The following PPP4R3A variants were observed in gnomAD, a reference collection of about 807,000 sequenced individuals.
PPP4R3A encodes the protein serine/threonine-protein phosphatase 4 regulatory subunit 3A.
PPP4R3A carries 15 observed loss-of-function variants against 91.7 expected under a neutral mutation model. The ratio of observed to expected loss-of-function variants is 0.16; its 90% CI spans 0.11 to 0.25. The LOEUF (loss-of-function observed/expected upper bound fraction) is 0.25. Ranked by LOEUF, PPP4R3A falls within the 10% of genes least tolerant of loss-of-function variation. The pLI is 1.00. For synonymous variants in PPP4R3A, 377 were observed against 348.7 expected, an observed-to-expected ratio of 1.08 and a Z score of -0.91; for missense variants, 623 against 998.4, an observed-to-expected ratio of 0.62 and a Z score of 5.07.
In PPP4R3A at chr14:91,458,783, T is replaced by C. The variant is rs759893059; in HGVS notation, c.2478A>G (p.Ser826=). 1 of 1,614,212 alleles carries C rather than the reference T, an allele frequency of 6.2e-7. No homozygotes were observed. Among genetic ancestry groups the C allele is most frequent in the South Asian group, 1.1e-5 (1 of 91,088 alleles). ...DEDKEDTLPL[S]KKAKFDS ...ATTATGAATCAAATTTTGCTTTCTT[T>C]GACAATGGTAACGTATCTTCCTTAT... The change falls in exon 15 of 15, where the codon TCA becomes TCG. Residue 826 remains serine, a synonymous_variant. Transcript: ENST00000554943.
chr14:91,477,065 C>A, intron 4 of PPP4R3A, 79 bp from the exon 5 acceptor site: 2 of 1,079,060 alleles, frequency 1.9e-6, no homozygotes, highest in East Asian at 2.9e-5. Context: ...CTTTAATATA[C>A]ACAGCAATAA....
chr14:91,499,807 C>A (rs1033270048), intron 1 of PPP4R3A, among the ~76,000 whole-genome samples: 9 of 127,550 alleles, frequency 7.1e-5, no homozygotes, highest in Admixed American at 1.8e-4. Flanking sequence ...GGTGACAGAG[C>A]GAGACTCCAC....
intron 2 of PPP4R3A, among the ~76,000 whole-genome samples, chr14:91,486,990 TA>T (rs1055646494): frequency 1.3e-5 from 2 of 151,416 alleles, no homozygotes; most frequent in Non-Finnish European, 2.9e-5. Flanking sequence ...CTCATGCCTC[TA>T]ATCACAGCAC....
Position 91,509,984 on chromosome 14 carries a change from G to T in PPP4R3A, c.-337C>A. 1.0e-6 allele frequency: 1 copy of T among 995,582 alleles called. No homozygotes were observed. The highest frequency in any genetic ancestry group is 1.2e-6 in the Non-Finnish European group (1 of 834,096). 61.7% of individuals were successfully genotyped at this position (995,582 alleles called of 1,614,324 possible). A position where few individuals can be genotyped will look rare whatever the true frequency, so the allele number is the denominator to read the frequency against. The stretch of plus-strand genomic sequence containing the variant: ...GGGCTCCCGTCACTGCCCTGCTCCC[G>T]CCTCCGCCATGATCTCCGCGAAGCA... On this transcript the variant is annotated 5_prime_UTR_variant, in exon 1 of 15. Coordinates refer to ENST00000554943, the MANE Select transcript of PPP4R3A (RefSeq NM_001366432.2).
In PPP4R3A at chr14:91,481,717, T is replaced by C; in HGVS notation, c.774A>G (p.Lys258=). The C allele has an allele frequency of 1.2e-6, 2 of 1,614,160 alleles. No individual in the cohort carries two copies. The highest frequency in any genetic ancestry group is 1.7e-6 in the Non-Finnish European group (2 of 1,180,020). The change falls in exon 4 of 15, where the codon AAA becomes AAG. Residue 258 remains lysine (K), a synonymous_variant. Transcript: ENST00000554943. ...CTCTGTATGTCTGATGAATTTTTTG[T>C]TTCAGCTCAGGATCTGATATGGGAA... ...EVIPISDPEL[K]QKIHQTYRVQ... is the part of the protein sequence containing the mutation.
chr14:91,490,681 A>G, intron 2 of PPP4R3A, 66 bp downstream of exon 2: 2 of 1,274,740 alleles, frequency 1.6e-6, no homozygotes, highest in Non-Finnish European at 2.2e-6. Context: ...ATAAGCAATC[A>G]GATAATAAAC....
At position 91,458,236 on chromosome 14, in the gene PPP4R3A, G is replaced by A. The variant is rs1297132872; in HGVS notation, c.*523C>T. On this transcript the variant is annotated 3_prime_UTR_variant, in exon 15 of 15. Coordinates refer to ENST00000554943, the MANE Select transcript of PPP4R3A (RefSeq NM_001366432.2). The stretch of plus-strand genomic sequence containing the variant: ...GGGCAAAGGGAACAGTTAAAAAAGA[G>A]GAAAACTTTATACTCGCCCCTCCCC... The A allele has an allele frequency of 6.5e-6, 1 of 154,202 alleles. No homozygotes were observed. Among genetic ancestry groups the A allele is most frequent in the African/African-American group, 2.4e-5 (1 of 41,398 alleles). 9.6% of individuals were successfully genotyped at this position (154,202 alleles called of 1,614,324 possible). A position where few individuals can be genotyped will look rare whatever the true frequency, so the allele number is the denominator to read the frequency against.
At chr14:91,477,462 G>C (rs1384528297) in intron 4 of PPP4R3A, among the ~76,000 whole-genome samples, 1 of 152,194 alleles carries the variant, frequency 6.6e-6, no homozygotes, top group Non-Finnish European at 1.5e-5. Context: ...CTACTTTAGT[G>C]TTTTAAAGAT....
intron 13 of PPP4R3A, among the ~76,000 whole-genome samples, chr14:91,461,838 G>A (rs1272754239): frequency 1.3e-5 from 2 of 152,050 alleles, no homozygotes; most frequent in Admixed American, 6.6e-5. Flanking sequence ...TACCCTTCCT[G>A]AAATAGTATA....
intron 10 of PPP4R3A, among the ~76,000 whole-genome samples, chr14:91,467,920 TA>T (rs1888575772): frequency 6.6e-6 from 1 of 152,222 alleles, no homozygotes; most frequent in African/African-American, 2.4e-5. Flanking sequence ...ATACTATACC[TA>T]ATACTTCAAT....
At position 91,458,668 on chromosome 14, in the gene PPP4R3A, A is replaced by C; in HGVS notation, c.*91T>G. ...CTGATCTGTGTCAGTCATTCACAAG[A>C]GACCACTGCGCTTTGTTGTGGATTT... On this transcript the variant is annotated 3_prime_UTR_variant, in exon 15 of 15. Coordinates refer to ENST00000554943, the MANE Select transcript of PPP4R3A (RefSeq NM_001366432.2). 1 of 1,580,580 alleles carries C rather than the reference A, an allele frequency of 6.3e-7. No homozygotes were observed. Among genetic ancestry groups the C allele is most frequent in the Non-Finnish European group, 8.7e-7 (1 of 1,150,210 alleles).
At chr14:91,490,566 C>G (rs73327626) in intron 2 of PPP4R3A, among the ~76,000 whole-genome samples, 181 bp downstream of exon 2, 2,986 of 152,012 alleles carry the variant, frequency 0.02, 58 homozygotes, top group Admixed American at 0.051. Context: ...TTGTGGCAAG[C>G]TTTTTAAATT....
intron 11 of PPP4R3A, among the ~76,000 whole-genome samples, chr14:91,464,385 G>A (rs1888354961): frequency 3.4e-5 from 5 of 147,346 alleles, no homozygotes; most frequent in Admixed American, 2.8e-4. Context: ...GAATAATGGT[G>A]ATGGCTGCCA....
intron 1 of PPP4R3A, among the ~76,000 whole-genome samples, chr14:91,509,027 T>C (rs1891587444): frequency 1.3e-5 from 2 of 152,118 alleles, no homozygotes; most frequent in Non-Finnish European, 2.9e-5. Context: ...CAAAAAGATG[T>C]TTAAAAAGAA....
Position 91,509,955 on chromosome 14 carries a change from C to T in PPP4R3A, c.-308G>A, listed in dbSNP as rs1891687510. On this transcript the variant is annotated 5_prime_UTR_variant, in exon 1 of 15. Coordinates refer to ENST00000554943, the MANE Select transcript of PPP4R3A (RefSeq NM_001366432.2). ...GCCTCCCGCCCCGCAGCGCTAGGAA[C>T]TCGGGGCTCCCGTCACTGCCCTGCT... The T allele has an allele frequency of 2.0e-6, 2 of 1,019,550 alleles. No individual in the cohort carries two copies. The highest frequency in any genetic ancestry group is 1.7e-5 in the African/African-American group (1 of 58,254). 63.2% of individuals were successfully genotyped at this position (1,019,550 alleles called of 1,614,324 possible).
chr14:91,502,730 C>T (rs74919947), intron 1 of PPP4R3A, among the ~76,000 whole-genome samples: 7,541 of 152,270 alleles, frequency 0.05, 254 homozygotes, highest in Non-Finnish European at 0.072. Context: ...AAACATTTCT[C>T]CATGTCTCAT....
intron 14 of PPP4R3A, among the ~76,000 whole-genome samples, chr14:91,459,984 C>T (rs1008719304): frequency 6.6e-6 from 1 of 152,048 alleles, no homozygotes; most frequent in African/African-American, 2.4e-5. Context: ...CCTTTTAGCC[C>T]TGCTCCTTCA....
At chr14:91,507,404 TTA>T (rs1440818961) in intron 1 of PPP4R3A, among the ~76,000 whole-genome samples, 1 of 78,318 alleles carries the variant, frequency 1.3e-5, no homozygotes, top group African/African-American at 6.1e-5. Context: ...TGTACTATAA[TTA>T]TATATACTAT....
chr14:91,480,794 G>A (rs972554925), intron 4 of PPP4R3A, among the ~76,000 whole-genome samples: 10 of 152,144 alleles, frequency 6.6e-5, no homozygotes, highest in Non-Finnish European at 1.2e-4. Flanking sequence ...CCAACACTTT[G>A]CAAGGCTAAG....
Sources: allele counts gnomAD v4.1 joint callset (sites outside exome capture counted in the v4.1 genomes callset), GRCh38; gene constraint gnomAD v4.1.1; transcripts MANE v1.5; gene names NCBI Gene and HGNC (gene_info 2026-07-23, HGNC 2026-07-21).